Variants in CPEB4 observed in about 807,000 individuals in gnomAD.
CPEB4 encodes cytoplasmic polyadenylation element-binding protein 4.
CPEB4 carries 12 observed loss-of-function variants against 72.5 expected under a neutral mutation model. The observed-to-expected ratio is 0.17, with a 90% CI of 0.11 to 0.27. The LOEUF is 0.27. CPEB4 is among the 10% of genes least tolerant of loss of function. CPEB4 has a pLI of 1.00. For missense variants in CPEB4, 614 were observed against 908.5 expected (o/e 0.68, Z 4.17); for synonymous variants, 302 against 326.3 (o/e 0.93, Z 0.80).
Position 173,889,936 on chromosome 5 carries a change from A to C in CPEB4, c.203A>C (p.His68Pro). Residue 68 changes from histidine (H) to proline (P), a missense_variant, in exon 1 of 10, where the codon CAT becomes CCT. Around this residue, in one of 5 missense-constraint regions of CPEB4, gnomAD observed 458 missense variants for 548.6 expected, o/e 0.83. Transcript: ENST00000265085. ...SAWLFPAPATHNIQDEILGSE... is the reference protein window; with the variant it reads ...SAWLFPAPATPNIQDEILGSE... Reference sequence around the variant, plus strand: ...TGGCTTTTTCCTGCTCCAGCTACCCATAACATTCAGGATGAGATCTTGGGG... The same window carrying C: ...TGGCTTTTTCCTGCTCCAGCTACCCCTAACATTCAGGATGAGATCTTGGGG... 6.2e-7 allele frequency: 1 copy of C among 1,614,200 alleles called. No individual in the cohort carries two copies. The highest frequency in any genetic ancestry group is 8.5e-7 in the Non-Finnish European group (1 of 1,180,026).
intron 2 of CPEB4, among the ~76,000 whole-genome samples, chr5:173,931,979 T>G (rs1024373205): frequency 4.6e-5 from 7 of 152,246 alleles, no homozygotes; most frequent in Non-Finnish European, 1.0e-4. Flanking sequence ...AGTGAAATGT[T>G]CTTCTTCCCT....
chr5:173,927,863 T>C (rs1027349587), intron 2 of CPEB4, among the ~76,000 whole-genome samples: 11 of 152,234 alleles, frequency 7.2e-5, no homozygotes, highest in African/African-American at 2.4e-4. Context: ...TTATGACGGC[T>C]TTATTCATAA....
chr5:173,931,713 T>G (rs1757453542), intron 2 of CPEB4, among the ~76,000 whole-genome samples: 1 of 152,200 alleles, frequency 6.6e-6, no homozygotes. Flanking sequence ...AAAACAGAAA[T>G]GTAATTCCTT....
intron 4 of CPEB4, among the ~76,000 whole-genome samples, chr5:173,943,432 A>G (rs1349786743): frequency 6.6e-6 from 1 of 152,170 alleles, no homozygotes; most frequent in Non-Finnish European, 1.5e-5. Flanking sequence ...AGGTTTAATT[A>G]TGCTCAAATG....
chr5:173,916,357 A>T (rs1756869057), intron 2 of CPEB4, among the ~76,000 whole-genome samples: 1 of 152,236 alleles, frequency 6.6e-6, no homozygotes, highest in Non-Finnish European at 1.5e-5. Context: ...GAATGTAAGC[A>T]ATAATGATTG....
At chr5:173,923,357 A>C (rs1485088830) in intron 2 of CPEB4, among the ~76,000 whole-genome samples, 1 of 152,180 alleles carries the variant, frequency 6.6e-6, no homozygotes, top group South Asian at 2.1e-4. Context: ...AGAAAAGTCT[A>C]ATTAGATCTC....
In CPEB4 at chr5:173,956,126, C is replaced by T. The variant is rs769790347; in HGVS notation, c.2179C>T (p.Arg727Cys). The T allele has an allele frequency of 8.1e-6, 13 of 1,613,722 alleles. No homozygotes were observed. The highest frequency in any genetic ancestry group is 2.2e-5 in the South Asian group (2 of 91,064). The change falls in exon 10 of 10, where the codon CGC becomes TGC. Residue 727 changes from arginine to cysteine, a missense_variant. Arg to Cys is a radical substitution (Grantham distance 180, BLOSUM62 -3). Transcript: ENST00000265085. ...TGACCGCCCTCGGCATATTTCATTC[C>T]GCTGGAACTAAAGGATAACTGCAGT... ...GGDRPRHISF[R>C]WN
chr5:173,910,104 T>G (rs559234461), intron 1 of CPEB4, among the ~76,000 whole-genome samples: 1 of 152,142 alleles, frequency 6.6e-6, no homozygotes, highest in South Asian at 2.1e-4. Context: ...TAAGAAAATA[T>G]AGCTATTTTG....
At chr5:173,925,037 A>G (rs1757195492) in intron 2 of CPEB4, among the ~76,000 whole-genome samples, 3 of 152,126 alleles carry the variant, frequency 2.0e-5, no homozygotes, top group Admixed American at 2.0e-4. Flanking sequence ...TAGCAGGGGA[A>G]CTGCTGGGAC....
At chr5:173,913,618 C>T (rs1376420144) in intron 2 of CPEB4, among the ~76,000 whole-genome samples, 1 of 152,124 alleles carries the variant, frequency 6.6e-6, no homozygotes, top group East Asian at 1.9e-4. Flanking sequence ...TAAAGTTCTG[C>T]CTTTATTCTA....
intron 2 of CPEB4, among the ~76,000 whole-genome samples, chr5:173,929,291 C>G (rs1425098163): frequency 6.6e-6 from 1 of 152,170 alleles, no homozygotes; most frequent in African/African-American, 2.4e-5. Flanking sequence ...TTGAAATTTT[C>G]TCTTTAAAAG....
At chr5:173,924,843 C>T (rs1757188091) in intron 2 of CPEB4, among the ~76,000 whole-genome samples, 1 of 152,172 alleles carries the variant, frequency 6.6e-6, no homozygotes, top group Admixed American at 6.5e-5. Flanking sequence ...TTTCTCTGCT[C>T]CAGGCTCTGG....
At position 173,956,321 on chromosome 5, in the gene CPEB4, A is replaced by C; in HGVS notation, c.*184A>C. On this transcript the variant is annotated 3_prime_UTR_variant, in exon 10 of 10. Transcript: ENST00000265085. ...TGTAGATTCTTGTGTCACTGCAAAC[A>C]ATATGAACTCCTTTTTCGTATTGCC... 1.9e-6 allele frequency: 1 copy of C among 523,812 alleles called. No homozygotes were observed. Among genetic ancestry groups the C allele is most frequent in the African/African-American group, 1.9e-5 (1 of 52,298 alleles). The allele number at this position is 523,812 out of a possible 1,614,324, so 32.4% of individuals were successfully genotyped here.
intron 3 of CPEB4, among the ~76,000 whole-genome samples, chr5:173,936,174 TATA>T (rs1757616309): frequency 6.6e-6 from 1 of 152,218 alleles, no homozygotes; most frequent in Non-Finnish European, 1.5e-5. Context: ...CTAGGGCTGC[TATA>T]ATAAGTACCA....
intron 1 of CPEB4, among the ~76,000 whole-genome samples, chr5:173,899,416 G>A (rs1756142817): frequency 6.6e-6 from 1 of 152,114 alleles, no homozygotes; most frequent in African/African-American, 2.4e-5. Flanking sequence ...AGGGTAGTGA[G>A]AAACTGAAGC....
intron 3 of CPEB4, among the ~76,000 whole-genome samples, chr5:173,942,627 GA>G (rs112011579): frequency 2.0e-5 from 3 of 152,314 alleles, no homozygotes; most frequent in African/African-American, 7.2e-5. Context: ...AAAAAGTCAT[GA>G]ATTAAATATT....
At chr5:173,943,169 G>A in intron 4 of CPEB4, 120 bp downstream of exon 4, 1 of 958,920 alleles carries the variant, frequency 1.0e-6, no homozygotes. Flanking sequence ...TTGATCCTTA[G>A]GTAATTTTTG....
chr5:173,911,194 A>T (rs1756643542), intron 2 of CPEB4, among the ~76,000 whole-genome samples: 2 of 152,022 alleles, frequency 1.3e-5, no homozygotes. Context: ...CTTTATAAAG[A>T]CGTAGAATTA....
At chr5:173,945,628 TC>T (rs963042898) in intron 5 of CPEB4, among the ~76,000 whole-genome samples, 60 of 152,318 alleles carry the variant, frequency 3.9e-4, no homozygotes, top group Middle Eastern at 3.4e-3. Context: ...AGATGGAAGG[TC>T]CCTGCTTACA....
Sources: gnomAD v4.1 joint callset for allele counts (sites outside exome capture counted in the v4.1 genomes callset) on GRCh38, gnomAD v4.1.1 for gene constraint, gnomAD v4.1.1 regional missense constraint, MANE v1.5 for transcripts, NCBI Gene and HGNC (gene_info 2026-07-23, HGNC 2026-07-21) for gene names.